PTPRO: variants seen among roughly 807,000 people sequenced by gnomAD.
PTPRO encodes receptor-type tyrosine-protein phosphatase O.
PTPRO carries 62 observed loss-of-function variants against 145.2 expected under a neutral mutation model. That is an observed-to-expected ratio of 0.43 (90% CI 0.35 to 0.53). The LOEUF is 0.53. PTPRO is among the 20% of genes least tolerant of loss of function. The probability of loss-of-function intolerance (pLI) is 0.01; values close to 1 mark genes in which losing one functional copy is unlikely to be tolerated. For synonymous variants in PTPRO, 565 were observed against 514.7 expected, an observed-to-expected ratio of 1.10 and a Z score of -1.32; for missense variants, 1,345 against 1,482.7, an observed-to-expected ratio of 0.91 and a Z score of 1.53.
chr12:15,352,649 CAA>C (rs71042243), intron 1 of PTPRO, among the ~76,000 whole-genome samples: 184 of 100,344 alleles, frequency 1.8e-3, no homozygotes, highest in Non-Finnish European at 1.9e-3. Context: ...GACTCTGTCT[CAA>C]AAAAAAAAAA....
At chr12:15,574,064 T>A (rs1944122110) in intron 19 of PTPRO, among the ~76,000 whole-genome samples, 1 of 152,204 alleles carries the variant, frequency 6.6e-6, no homozygotes, top group Admixed American at 6.5e-5. Flanking sequence ...CATTGAAATA[T>A]CACATTCACA....
intron 1 of PTPRO, among the ~76,000 whole-genome samples, chr12:15,357,891 T>C (rs1198514656): frequency 1.3e-5 from 2 of 150,138 alleles, no homozygotes; most frequent in Admixed American, 6.7e-5. Context: ...ACTGGGTATA[T>C]ACCCAAAGGA....
At chr12:15,562,282 T>A (rs1417630618) in intron 17 of PTPRO, among the ~76,000 whole-genome samples, 3 of 152,174 alleles carry the variant, frequency 2.0e-5, no homozygotes, top group Non-Finnish European at 1.5e-5. Context: ...GTTTGCTTCA[T>A]CTAATAACTT....
chr12:15,379,651 G>C (rs1280766624), intron 1 of PTPRO, among the ~76,000 whole-genome samples: 1 of 151,448 alleles, frequency 6.6e-6, no homozygotes, highest in African/African-American at 2.4e-5. Flanking sequence ...TATCAACCTT[G>C]AAAATACAAT....
chr12:15,341,506 C>T (rs1389432818), intron 1 of PTPRO, among the ~76,000 whole-genome samples: 2 of 152,132 alleles, frequency 1.3e-5, no homozygotes, highest in African/African-American at 4.8e-5. Flanking sequence ...TAGAGTTGAT[C>T]TGAATGAAAT....
intron 1 of PTPRO, among the ~76,000 whole-genome samples, chr12:15,475,113 G>T (rs534640341): frequency 1.3e-5 from 2 of 152,294 alleles, no homozygotes; most frequent in South Asian, 4.1e-4. Flanking sequence ...GAAGCATCAC[G>T]ACACACATTA....
At chr12:15,458,202 G>T (rs1941222984) in intron 1 of PTPRO, among the ~76,000 whole-genome samples, 1 of 152,020 alleles carries the variant, frequency 6.6e-6, no homozygotes, top group Non-Finnish European at 1.5e-5. Context: ...GACATGCAAG[G>T]TTTCTGCTGA....
intron 1 of PTPRO, among the ~76,000 whole-genome samples, chr12:15,433,121 T>C (rs1940492083): frequency 6.6e-6 from 1 of 152,016 alleles, no homozygotes; most frequent in Non-Finnish European, 1.5e-5. Flanking sequence ...TATTCCAATA[T>C]CCAGGATGGT....
chr12:15,540,574 AAAG>A (rs1229293014), intron 12 of PTPRO, among the ~76,000 whole-genome samples: 4 of 152,246 alleles, frequency 2.6e-5, no homozygotes, highest in Non-Finnish European at 5.9e-5. Flanking sequence ...AGTCACATTA[AAAG>A]AAGAAACAAT....
At position 15,512,315 on chromosome 12, in the gene PTPRO, G is replaced by A. The variant is rs1255657259; in HGVS notation, c.1465-3183G>A. ...TTTTTAGTAGAGACGGGTTTTCATCGTGTTGGTCAGGCTGGTCTCAAACTC... is the reference window on the plus strand; with the variant it reads ...TTTTTAGTAGAGACGGGTTTTCATCATGTTGGTCAGGCTGGTCTCAAACTC... On this transcript the variant is annotated intron_variant, in intron 7 of 26. Transcript: ENST00000281171. Among the ~76,000 whole-genome samples the A allele has an allele frequency of 3.3e-5, 5 of 151,876 alleles. 1 individual carries two copies. Among genetic ancestry groups the A allele is most frequent in the African/African-American group, 4.8e-5 (2 of 41,342 alleles).
intron 1 of PTPRO, among the ~76,000 whole-genome samples, chr12:15,324,067 C>A (rs1184178748): frequency 6.6e-6 from 1 of 152,022 alleles, no homozygotes. Context: ...AAATAATAAG[C>A]TCAGTTATAT....
In PTPRO at chr12:15,504,084, GAT is replaced by G; in HGVS notation, c.1267+16_1267+17del. On this transcript the variant is annotated intron_variant, in intron 6 of 26. Coordinates refer to ENST00000281171, the MANE Select transcript of PTPRO (RefSeq NM_030667.3). ...CTTTTATATCAGTAAGTAACAAAGA[GAT>G]CATTTTACACTTACTGGGGAGCTAG... The G allele has an allele frequency of 6.2e-7, 1 of 1,603,280 alleles. No homozygotes were observed. The highest frequency in any genetic ancestry group is 8.5e-7 in the Non-Finnish European group (1 of 1,170,600).
chr12:15,540,306 A>G (rs1471782263), intron 12 of PTPRO, among the ~76,000 whole-genome samples: 1 of 152,242 alleles, frequency 6.6e-6, no homozygotes, highest in Admixed American at 6.5e-5. Flanking sequence ...AATAAATTTA[A>G]AAGACTTATG....
intron 1 of PTPRO, among the ~76,000 whole-genome samples, chr12:15,355,421 A>G (rs1937954460): frequency 6.6e-6 from 1 of 152,052 alleles, no homozygotes; most frequent in South Asian, 2.1e-4. Context: ...CCCTCTCTAC[A>G]CTGAAAAACC....
intron 5 of PTPRO, 38 bp downstream of exon 5, chr12:15,502,101 A>G (rs1293360794): frequency 1.3e-6 from 2 of 1,544,872 alleles, no homozygotes. Flanking sequence ...AAGAACTGAT[A>G]CAAAGGAAGG....
intron 5 of PTPRO, among the ~76,000 whole-genome samples, chr12:15,503,241 A>G (rs1446380100): frequency 6.6e-6 from 1 of 152,184 alleles, no homozygotes; most frequent in African/African-American, 2.4e-5. Flanking sequence ...TATCTGACTC[A>G]GTGTCTTCTT....
chr12:15,522,724 C>T (rs1942750986), intron 10 of PTPRO, among the ~76,000 whole-genome samples: 1 of 152,118 alleles, frequency 6.6e-6, no homozygotes, highest in African/African-American at 2.4e-5. Context: ...GGCTAGCCCT[C>T]AATCATAGTA....
At chr12:15,328,789 G>A (rs190120334) in intron 1 of PTPRO, among the ~76,000 whole-genome samples, 23 of 152,016 alleles carry the variant, frequency 1.5e-4, no homozygotes, top group African/African-American at 5.5e-4. Flanking sequence ...TTATAAATAG[G>A]AATGCTGCAC....
intron 17 of PTPRO, among the ~76,000 whole-genome samples, chr12:15,562,741 C>CTTTTT (rs5796638): frequency 6.9e-6 from 1 of 144,392 alleles, no homozygotes. Flanking sequence ...AGTGTTAAAT[C>CTTTTT]TTTTTTTTTT....
Sources: gnomAD v4.1 joint callset for allele counts (sites outside exome capture counted in the v4.1 genomes callset) on GRCh38, gnomAD v4.1.1 for gene constraint, MANE v1.5 for transcripts, NCBI Gene and HGNC (gene_info 2026-07-23, HGNC 2026-07-21) for gene names.